The following PTPN5 variants were observed in gnomAD, a reference collection of about 807,000 sequenced individuals.
The protein encoded by PTPN5 is tyrosine-protein phosphatase non-receptor type 5.
Under a neutral mutation model 73.9 loss-of-function variants are expected in PTPN5, and 29 were observed. The ratio of observed to expected loss-of-function variants is 0.39; its 90% CI spans 0.29 to 0.54. The LOEUF (loss-of-function observed/expected upper bound fraction) is 0.54. Among genes scored for constraint, PTPN5 ranks in the 20% least tolerant of loss-of-function variants. PTPN5 has a pLI of 0.65. For missense variants in PTPN5, 652 were observed against 751.4 expected (o/e 0.87, Z 1.55); for synonymous variants, 267 against 304.7 (o/e 0.88, Z 1.29).
intron 1 of PTPN5, among the ~76,000 whole-genome samples, chr11:18,776,791 T>C (rs1851177951): frequency 6.6e-6 from 1 of 152,178 alleles, no homozygotes; most frequent in Admixed American, 6.5e-5. Flanking sequence ...TGTCCAATAC[T>C]GTATCTGGCA....
chr11:18,737,949 A>G lies in PTPN5; in HGVS notation c.931T>C (p.Phe311Leu), dbSNP rs766782734. The change falls in exon 9 of 15, where the codon TTT becomes CTT. Residue 311 changes from phenylalanine to leucine, a missense_variant. Around this residue, in one of 3 missense-constraint regions of PTPN5, gnomAD observed 529 missense variants for 573.9 expected, o/e 0.92. Transcript: ENST00000358540. ...QAEFFEIPMNFVDPKEYDIPG... is the reference protein window; with the variant it reads ...QAEFFEIPMNLVDPKEYDIPG... ...ATGTCGTACTCTTTCGGATCCACAA[A>G]GTTCATGGGGATTTCCTGTGGAAGG... The G allele has an allele frequency of 1.5e-5, 24 of 1,613,968 alleles. No individual in the cohort carries two copies.
intron 3 of PTPN5, among the ~76,000 whole-genome samples, chr11:18,754,275 T>C (rs372237462): frequency 5.9e-4 from 90 of 152,282 alleles, no homozygotes; most frequent in African/African-American, 2.1e-3. Context: ...GTTTGCATCC[T>C]GGAACTGGGA....
chr11:18,740,857 C>A, intron 7 of PTPN5, 65 bp from the exon 8 acceptor site: 1 of 1,137,228 alleles, frequency 8.8e-7, no homozygotes, highest in Non-Finnish European at 1.2e-6. Context: ...GCTGGGGTCT[C>A]CAGGGCTGGG....
chr11:18,776,316 A>G (rs1265516926), intron 1 of PTPN5, among the ~76,000 whole-genome samples: 3 of 151,950 alleles, frequency 2.0e-5, no homozygotes, highest in African/African-American at 7.3e-5. Flanking sequence ...TCTGCTTGGA[A>G]AATTCTTATT....
intron 3 of PTPN5, among the ~76,000 whole-genome samples, chr11:18,749,628 AT>A (rs1849794637): frequency 6.6e-6 from 1 of 152,196 alleles, no homozygotes; most frequent in Non-Finnish European, 1.5e-5. Context: ...AAAGCTCAGT[AT>A]CCCAGGCCAA....
chr11:18,743,529 G>C (rs1849472873), intron 4 of PTPN5, 100 bp from the exon 5 acceptor site: 1 of 1,079,648 alleles, frequency 9.3e-7, no homozygotes, highest in African/African-American at 1.6e-5. Flanking sequence ...CTGCATGGAG[G>C]CTCCTGAACC....
chr11:18,766,181 C>T (rs1188421566), intron 2 of PTPN5, among the ~76,000 whole-genome samples: 1 of 152,228 alleles, frequency 6.6e-6, no homozygotes, highest in African/African-American at 2.4e-5. Flanking sequence ...TACGCAAGCA[C>T]TTTGCAAACT....
In PTPN5 at chr11:18,728,802, C is replaced by T. The variant is rs1848737474; in HGVS notation, c.*132G>A. Reference sequence around the variant, plus strand: ...GCTGGAGGGTAGGGGTCAGGCCAGGCTGACAGAGGACAGAGGGAGCTGACT... The same window carrying T: ...GCTGGAGGGTAGGGGTCAGGCCAGGTTGACAGAGGACAGAGGGAGCTGACT... On this transcript the variant is annotated 3_prime_UTR_variant, in exon 15 of 15. Coordinates refer to ENST00000358540, the MANE Select transcript of PTPN5 (RefSeq NM_006906.2). This position sits in a 1 kb window ranked among gnomAD's most constrained non-coding sequence, Gnocchi z 4.1. The T allele has an allele frequency of 2.5e-6, 2 of 787,428 alleles. No individual in the cohort carries two copies. The highest frequency in any genetic ancestry group is 3.5e-5 in the South Asian group (2 of 57,070). The allele number at this position is 787,428 out of a possible 1,614,324, so 48.8% of individuals were successfully genotyped here.
At position 18,744,057 on chromosome 11, in the gene PTPN5, G is replaced by T; in HGVS notation, c.240C>A (p.His80Gln). 1 of 1,609,890 alleles carries T rather than the reference G, an allele frequency of 6.2e-7. No individual in the cohort carries two copies. Among genetic ancestry groups the T allele is most frequent in the Non-Finnish European group, 8.5e-7 (1 of 1,178,198 alleles). ...QKPPPRGAGSHSLTVRSSLCL... is the reference protein window; with the variant it reads ...QKPPPRGAGSQSLTVRSSLCL... ...ACAGGCTGCTCCTGACAGTGAGGGA[G>T]TGGCTCCCAGCGCCTCGAGGTGGTG... is the stretch of plus-strand genomic sequence containing the variant. Residue 80 changes from histidine to glutamine, a missense_variant, in exon 4 of 15, where the codon CAC becomes CAA. Transcript: ENST00000358540.
Position 18,733,865 on chromosome 11 carries a change from C to T in PTPN5, c.1001-230G>A, listed in dbSNP as rs888142177. Among the ~76,000 whole-genome samples the T allele has an allele frequency of 6.6e-6, 1 of 152,228 alleles. No individual in the cohort carries two copies. Among genetic ancestry groups the T allele is most frequent in the African/African-American group, 2.4e-5 (1 of 41,460 alleles). Reference sequence around the variant, plus strand: ...GGTCCCCGGGTCTCTACCTCTGTCTCTATCCTTAGCCTGTGCCTCTTAAGT... The same window carrying T: ...GGTCCCCGGGTCTCTACCTCTGTCTTTATCCTTAGCCTGTGCCTCTTAAGT... On this transcript the variant is annotated intron_variant, in intron 9 of 14. Transcript: ENST00000358540. The surrounding 1 kb of genome is among the most constrained non-coding windows in gnomAD (Gnocchi z 4.3).
chr11:18,735,450 A>T (rs1341351116), intron 9 of PTPN5, among the ~76,000 whole-genome samples: 3 of 152,102 alleles, frequency 2.0e-5, no homozygotes, highest in Non-Finnish European at 2.9e-5. Flanking sequence ...TGCACAGTGC[A>T]GGGTAGGGAG....
intron 3 of PTPN5, 66 bp from the exon 4 acceptor site, chr11:18,744,265 CTTTT>C: frequency 2.2e-6 from 3 of 1,378,544 alleles, no homozygotes; most frequent in Non-Finnish European, 2.8e-6. Flanking sequence ...TCTGCCACCC[CTTTT>C]GGGGTGGCTG....
At chr11:18,775,302 G>C (rs756001282) in intron 1 of PTPN5, among the ~76,000 whole-genome samples, 14 of 152,206 alleles carry the variant, frequency 9.2e-5, no homozygotes, top group Non-Finnish European at 1.6e-4. Context: ...CTTTCTATAT[G>C]TTCTTTTAAA....
chr11:18,737,715 C>T (rs1849176825), intron 9 of PTPN5, among the ~76,000 whole-genome samples, 165 bp downstream of exon 9: 1 of 152,146 alleles, frequency 6.6e-6, no homozygotes. Flanking sequence ...CGCCTCTGGC[C>T]TCACCAGGGC....
chr11:18,754,737 A>G (rs973713146), intron 3 of PTPN5, among the ~76,000 whole-genome samples: 2 of 152,192 alleles, frequency 1.3e-5, no homozygotes, highest in African/African-American at 4.8e-5. Context: ...CAAGTCATCC[A>G]TACTCTTGCC....
At chr11:18,731,144 A>C (rs1164406236) in intron 12 of PTPN5, among the ~76,000 whole-genome samples, 1 of 147,454 alleles carries the variant, frequency 6.8e-6, no homozygotes, top group Non-Finnish European at 1.5e-5. Context: ...ATACACACAC[A>C]CCTATATATA....
At chr11:18,732,254 C>T (rs917499103) in intron 12 of PTPN5, among the ~76,000 whole-genome samples, 3 of 152,218 alleles carry the variant, frequency 2.0e-5, no homozygotes, top group African/African-American at 2.4e-5. Context: ...ATTATAAGCA[C>T]AGTGCTGGAG....
At chr11:18,774,900 G>A (rs967492721) in intron 1 of PTPN5, among the ~76,000 whole-genome samples, 5 of 152,314 alleles carry the variant, frequency 3.3e-5, no homozygotes, top group African/African-American at 1.2e-4. Flanking sequence ...AAAGGAAGCA[G>A]GAAAAAGGGC....
chr11:18,742,351 G>C lies in PTPN5; in HGVS notation c.636C>G (p.Pro212=), dbSNP rs111579099. Residue 212 remains proline (P), a synonymous_variant, in exon 7 of 15, where the codon CCC becomes CCG. Coordinates refer to ENST00000358540, the MANE Select transcript of PTPN5 (RefSeq NM_006906.2). This position sits in a 1 kb window ranked among gnomAD's most constrained non-coding sequence, Gnocchi z 4.1. ...EDDFLDLDPV[P]ETPVFDCVMD... ...TCACACAATCAAACACAGGAGTCTC[G>C]GGCACCGGGTCGAGGTCCAGGAAGT... is the stretch of plus-strand genomic sequence containing the variant. 6.2e-7 allele frequency: 1 copy of C among 1,614,086 alleles called. No homozygotes were observed.
Sources: gnomAD v4.1 joint callset for allele counts (sites outside exome capture counted in the v4.1 genomes callset) on GRCh38, gnomAD v4.1.1 for gene constraint, gnomAD v4.1.1 regional missense constraint, Gnocchi (gnomAD v3.1) non-coding constraint, MANE v1.5 for transcripts, NCBI Gene and HGNC (gene_info 2026-07-23, HGNC 2026-07-21) for gene names.